Variants in DGKI observed in about 807,000 individuals in gnomAD.
DGKI encodes diacylglycerol kinase iota, also known as DAG kinase iota.
Under a neutral mutation model 147.5 loss-of-function variants are expected in DGKI, and 55 were observed. The observed-to-expected ratio is 0.37, with a 90% CI of 0.30 to 0.47. The LOEUF is 0.47. Among genes scored for constraint, DGKI ranks in the 20% least tolerant of loss-of-function variants. The pLI is 1.00. For missense variants in DGKI, 1,007 were observed against 1,323.8 expected (o/e 0.76, Z 3.71); for synonymous variants, 469 against 477.1 (o/e 0.98, Z 0.22).
chr7:137,815,689 T>G (rs1363198426), intron 1 of DGKI, among the ~76,000 whole-genome samples: 1 of 152,166 alleles, frequency 6.6e-6, no homozygotes, highest in East Asian at 1.9e-4. Flanking sequence ...GTGACACTCG[T>G]AGTACTAGCT....
At chr7:137,830,385 A>G (rs539030537) in intron 1 of DGKI, among the ~76,000 whole-genome samples, 107 of 152,332 alleles carry the variant, frequency 7.0e-4, no homozygotes, top group African/African-American at 2.1e-3. Flanking sequence ...ACCACAGGAG[A>G]GGTCCTAGCT....
intron 30 of DGKI, among the ~76,000 whole-genome samples, chr7:137,402,596 T>C (rs969253533): frequency 1.3e-5 from 2 of 152,252 alleles, no homozygotes; most frequent in African/African-American, 4.8e-5. Flanking sequence ...TTTTGTCACA[T>C]GCATCCTTTA....
At chr7:137,733,358 G>A (rs1213429513) in intron 1 of DGKI, among the ~76,000 whole-genome samples, 1 of 151,962 alleles carries the variant, frequency 6.6e-6, no homozygotes, top group Non-Finnish European at 1.5e-5. Context: ...CCTTTTGTGA[G>A]TGGCTCATTT....
At chr7:137,731,332 C>T (rs4366029) in intron 1 of DGKI, among the ~76,000 whole-genome samples, 1 of 151,984 alleles carries the variant, frequency 6.6e-6, no homozygotes, top group Non-Finnish European at 1.5e-5. Flanking sequence ...TCTCCTTCCA[C>T]GTAAACATAA....
chr7:137,423,763 C>T (rs1029131078), intron 28 of DGKI, among the ~76,000 whole-genome samples: 3 of 152,024 alleles, frequency 2.0e-5, no homozygotes, highest in South Asian at 4.2e-4. Flanking sequence ...CAGAGACATA[C>T]CAGCAAAATG....
intron 5 of DGKI, among the ~76,000 whole-genome samples, chr7:137,647,417 C>A (rs763861269): frequency 6.6e-6 from 1 of 152,204 alleles, no homozygotes; most frequent in Non-Finnish European, 1.5e-5. Flanking sequence ...CTCCAGGATC[C>A]TATTCCAATG....
intron 6 of DGKI, among the ~76,000 whole-genome samples, chr7:137,633,190 C>A (rs146767265): frequency 0.028 from 3,301 of 118,252 alleles, 104 homozygotes; most frequent in African/African-American, 0.095. Flanking sequence ...CCAGCCTGGG[C>A]AACAAGAGCG....
intron 1 of DGKI, among the ~76,000 whole-genome samples, chr7:137,694,319 CAAAA>C (rs56163124): frequency 1.3e-5 from 1 of 77,746 alleles, no homozygotes. Context: ...GACTCCGTCT[CAAAA>C]AAAAAAAAAA....
At chr7:137,807,508 G>A (rs76675337) in intron 1 of DGKI, among the ~76,000 whole-genome samples, 4,654 of 152,258 alleles carry the variant, frequency 0.031, 94 homozygotes, top group Non-Finnish European at 0.043. Flanking sequence ...ACAGGAGAGC[G>A]CTAAATAGGG....
At chr7:137,667,313 C>T (rs1472671562) in intron 3 of DGKI, among the ~76,000 whole-genome samples, 5 of 152,006 alleles carry the variant, frequency 3.3e-5, no homozygotes, top group Admixed American at 3.3e-4. Context: ...TTCAAGCAGA[C>T]AGACTTGAGT....
chr7:137,436,397 C>G (rs1347620000), intron 28 of DGKI, among the ~76,000 whole-genome samples: 3 of 151,960 alleles, frequency 2.0e-5, no homozygotes, highest in Non-Finnish European at 4.4e-5. Flanking sequence ...CTTTATTTAA[C>G]AAATAATATC....
At chr7:137,739,347 T>C (rs1402184127) in intron 1 of DGKI, among the ~76,000 whole-genome samples, 1 of 152,186 alleles carries the variant, frequency 6.6e-6, no homozygotes, top group African/African-American at 2.4e-5. Flanking sequence ...TCCCTGGGTC[T>C]CATTTTCCTC....
chr7:137,413,788 T>C (rs1415263422), intron 28 of DGKI, among the ~76,000 whole-genome samples: 1 of 152,166 alleles, frequency 6.6e-6, no homozygotes, highest in Non-Finnish European at 1.5e-5. Context: ...TTTTCCTTTA[T>C]GTATATGCCC....
At position 137,587,218 on chromosome 7, in the gene DGKI, C is replaced by G. The variant is rs372145605; in HGVS notation, c.1312-8G>C. 6.3e-7 allele frequency: 1 copy of G among 1,599,134 alleles called. No individual in the cohort carries two copies. The highest frequency in any genetic ancestry group is 8.5e-7 in the Non-Finnish European group (1 of 1,174,130). ...GGAAAGGATCCAGCCCACCTACAGG[C>G]GTATCGGGGGCCAGAAGAGATATAA... On this transcript the variant is annotated splice_region_variant and splice_polypyrimidine_tract_variant and intron_variant, in intron 12 of 32. Transcript: ENST00000614521.
intron 12 of DGKI, among the ~76,000 whole-genome samples, chr7:137,587,776 A>G (rs1190248323): frequency 6.6e-6 from 1 of 152,204 alleles, no homozygotes; most frequent in Non-Finnish European, 1.5e-5. Flanking sequence ...TTGGAAATTG[A>G]TAGTGTTTTC....
intron 6 of DGKI, among the ~76,000 whole-genome samples, chr7:137,642,929 A>AT (rs10523886): frequency 8.3e-6 from 1 of 121,172 alleles, no homozygotes; most frequent in Admixed American, 8.6e-5. Flanking sequence ...ATTATGGAAT[A>AT]GTGTGTGTGT....
chr7:137,558,210 C>T (rs1279011894), intron 19 of DGKI, among the ~76,000 whole-genome samples: 1 of 152,182 alleles, frequency 6.6e-6, no homozygotes, highest in Non-Finnish European at 1.5e-5. Context: ...TCAGGAACAT[C>T]TATCATTAAG....
rs1386281275 is a variant in DGKI, at chr7:137,576,043, C to CTTTTTTTTTTTT, written c.1761+1167_1761+1178dup. Among the ~76,000 whole-genome samples the CTTTTTTTTTTTT allele has an allele frequency of 5.2e-4, 70 of 135,028 alleles. 1 individual carries two copies. Among genetic ancestry groups the CTTTTTTTTTTTT allele is most frequent in the African/African-American group, 1.5e-3 (52 of 35,232 alleles). 88.6% of individuals were successfully genotyped at this position (135,028 alleles called of 152,430 possible). The stretch of plus-strand genomic sequence containing the variant: ...TGTCAAAATTAATCTTTTTCTTTTT[C>CTTTTTTTTTTTT]TTTTTTTTTTTTTTAGACGGAGTGT... On this transcript the variant is annotated intron_variant, in intron 17 of 32. Transcript: ENST00000614521.
At chr7:137,540,700 A>G (rs962515391) in intron 20 of DGKI, among the ~76,000 whole-genome samples, 3 of 147,782 alleles carry the variant, frequency 2.0e-5, no homozygotes, top group Admixed American at 7.0e-5. Flanking sequence ...GGAAAAAAAA[A>G]TCCATAGTAT....
Sources: gnomAD v4.1 joint callset for allele counts (sites outside exome capture counted in the v4.1 genomes callset) on GRCh38, gnomAD v4.1.1 for gene constraint, MANE v1.5 for transcripts, NCBI Gene and HGNC (gene_info 2026-07-23, HGNC 2026-07-21) for gene names.